The following COL21A1 variants were observed in gnomAD, a reference collection of about 807,000 sequenced individuals.
COL21A1 encodes collagen type XXI alpha 1 chain, also known as collagen alpha-1(XXI) chain.
A neutral mutation model predicts 137.9 loss-of-function variants in COL21A1; 149 were observed. The observed-to-expected ratio is 1.08, with a 90% CI of 0.95 to 1.24. The LOEUF (loss-of-function observed/expected upper bound fraction) is 1.24. Ranked by LOEUF, COL21A1 falls within the 50% of genes most tolerant of loss-of-function variation. COL21A1 has a pLI of 0.00. For missense variants in COL21A1, 1,167 were observed against 1,158.4 expected (o/e 1.01, Z -0.11); for synonymous variants, 456 against 391.5 (o/e 1.16, Z -1.95).
intron 1 of COL21A1, among the ~76,000 whole-genome samples, chr6:56,367,522 G>A (rs142815550): frequency 2.0e-5 from 3 of 152,278 alleles, no homozygotes; most frequent in East Asian, 1.9e-4. Flanking sequence ...TACAAAGGAC[G>A]CTTTGAGACA....
intron 12 of COL21A1, among the ~76,000 whole-genome samples, chr6:56,132,014 T>C (rs1773591371): frequency 6.6e-6 from 1 of 151,844 alleles, no homozygotes; most frequent in South Asian, 2.1e-4. Flanking sequence ...AATATGTCAA[T>C]AGATCTAATA....
At chr6:56,326,489 T>C (rs1765093941) in intron 1 of COL21A1, among the ~76,000 whole-genome samples, 1 of 151,916 alleles carries the variant, frequency 6.6e-6, no homozygotes, top group South Asian at 2.1e-4. Flanking sequence ...CCTAAAATTA[T>C]CTTCTTTCCA....
chr6:56,293,507 A>G (rs1186480183), intron 1 of COL21A1, among the ~76,000 whole-genome samples: 3 of 152,152 alleles, frequency 2.0e-5, no homozygotes, highest in Non-Finnish European at 4.4e-5. Context: ...CATATTTACT[A>G]TGTAGAAACT....
At chr6:56,174,517 A>G (rs1777306347) in intron 3 of COL21A1, among the ~76,000 whole-genome samples, 1 of 152,114 alleles carries the variant, frequency 6.6e-6, no homozygotes, top group African/African-American at 2.4e-5. Context: ...ATTTTAAGTG[A>G]CCACTATGAA....
intron 1 of COL21A1, among the ~76,000 whole-genome samples, chr6:56,291,002 G>C (rs1764028164): frequency 6.6e-6 from 1 of 151,984 alleles, no homozygotes; most frequent in Non-Finnish European, 1.5e-5. Flanking sequence ...GTGATCCATG[G>C]ACCAGCGACT....
intron 1 of COL21A1, among the ~76,000 whole-genome samples, chr6:56,213,309 C>A (rs1353854557): frequency 1.3e-5 from 2 of 152,114 alleles, no homozygotes; most frequent in Non-Finnish European, 2.9e-5. Flanking sequence ...TTTTCACTTA[C>A]ATTATCCATG....
chr6:56,374,617 G>A (rs1407766596), intron 1 of COL21A1, among the ~76,000 whole-genome samples: 1 of 151,042 alleles, frequency 6.6e-6, no homozygotes, highest in East Asian at 2.0e-4. Flanking sequence ...AGCTACTCGG[G>A]AAGCTGAGGC....
chr6:56,333,028 C>A (rs1186010235), intron 1 of COL21A1, among the ~76,000 whole-genome samples: 1 of 151,934 alleles, frequency 6.6e-6, no homozygotes, highest in Admixed American at 6.6e-5. Context: ...TTAACCTTTT[C>A]TCTTTTTATC....
At chr6:56,173,733 G>C (rs1379731111) in intron 3 of COL21A1, among the ~76,000 whole-genome samples, 1 of 152,060 alleles carries the variant, frequency 6.6e-6, no homozygotes, top group Non-Finnish European at 1.5e-5. Context: ...ACTGAAGGGA[G>C]AAATAGAAAG....
intron 3 of COL21A1, among the ~76,000 whole-genome samples, chr6:56,174,429 A>G (rs1319033600): frequency 1.3e-5 from 2 of 152,070 alleles, no homozygotes; most frequent in African/African-American, 4.8e-5. Flanking sequence ...CTTTAACTAA[A>G]TTAAGTAAAA....
intron 1 of COL21A1, among the ~76,000 whole-genome samples, chr6:56,294,066 A>C (rs1300241947): frequency 6.6e-6 from 1 of 152,146 alleles, no homozygotes; most frequent in Non-Finnish European, 1.5e-5. Flanking sequence ...ATTTAGTTGA[A>C]CCAGAACTGA....
intron 1 of COL21A1, among the ~76,000 whole-genome samples, chr6:56,340,676 G>A (rs1242887445): frequency 1.3e-5 from 2 of 152,162 alleles, no homozygotes; most frequent in Non-Finnish European, 2.9e-5. Context: ...GCTTTCCCTA[G>A]TGTTAATACC....
At chr6:56,273,120 T>C (rs893683004) in intron 1 of COL21A1, among the ~76,000 whole-genome samples, 3 of 152,174 alleles carry the variant, frequency 2.0e-5, no homozygotes, top group African/African-American at 7.2e-5. Flanking sequence ...AACAACTTGC[T>C]CCTGAATAAT....
chr6:56,287,791 T>C (rs1763950169), intron 1 of COL21A1, among the ~76,000 whole-genome samples: 1 of 152,094 alleles, frequency 6.6e-6, no homozygotes, highest in Admixed American at 6.5e-5. Flanking sequence ...ATTATCCAGA[T>C]AGGCCGTAAG....
chr6:56,150,550 ACACACACACACACAC>A (rs1561920237), intron 10 of COL21A1, among the ~76,000 whole-genome samples: 58 of 151,462 alleles, frequency 3.8e-4, no homozygotes, highest in East Asian at 7.8e-4. Flanking sequence ...ACACACACAC[ACACACACACACACAC>A]AAGAGTGGGG....
intron 1 of COL21A1, among the ~76,000 whole-genome samples, chr6:56,380,748 A>C (rs1367954539): frequency 1.3e-5 from 2 of 152,080 alleles, no homozygotes; most frequent in African/African-American, 4.8e-5. Flanking sequence ...ATGGCCCCTA[A>C]ATGTAGGGCT....
intron 1 of COL21A1, among the ~76,000 whole-genome samples, chr6:56,270,361 G>A (rs1177130670): frequency 6.6e-6 from 1 of 152,208 alleles, no homozygotes; most frequent in Non-Finnish European, 1.5e-5. Flanking sequence ...TCAACAAGAA[G>A]ACTTAACTGT....
intron 13 of COL21A1, 124 bp downstream of exon 13, chr6:56,125,972 A>G (rs1773020584): frequency 5.2e-6 from 3 of 579,458 alleles, no homozygotes; most frequent in Non-Finnish European, 8.9e-6. Flanking sequence ...ATCTTAGCCC[A>G]TTGTTTACTT....
At chr6:56,285,822 T>C (rs1236429161) in intron 1 of COL21A1, among the ~76,000 whole-genome samples, 6 of 115,318 alleles carry the variant, frequency 5.2e-5, no homozygotes, top group African/African-American at 1.3e-4. Flanking sequence ...CTCACCATCC[T>C]GAAGGCACAG....
Sources: gnomAD v4.1 joint callset for allele counts (sites outside exome capture counted in the v4.1 genomes callset) on GRCh38, gnomAD v4.1.1 for gene constraint, MANE v1.5 for transcripts, NCBI Gene and HGNC (gene_info 2026-07-23, HGNC 2026-07-21) for gene names.